Variants in ADCY1 observed in about 807,000 individuals in gnomAD.
The protein encoded by ADCY1 is adenylate cyclase type 1.
In ADCY1, 28 loss-of-function variants were observed where a neutral mutation model predicts 105.4. That is an observed-to-expected ratio of 0.27 (90% CI 0.20 to 0.36). The LOEUF (loss-of-function observed/expected upper bound fraction) is 0.36, where lower values mean the gene tolerates loss of function less well. Among genes scored for constraint, ADCY1 ranks in the 10% least tolerant of loss-of-function variants. The pLI is 1.00. For missense variants in ADCY1, 977 were observed against 1,434.2 expected, an observed-to-expected ratio of 0.68 and a Z score of 5.15; for synonymous variants, 655 against 623.8, an observed-to-expected ratio of 1.05 and a Z score of -0.75.
chr7:45,682,396 A>G (rs962457799), intron 11 of ADCY1, among the ~76,000 whole-genome samples: 3 of 152,084 alleles, frequency 2.0e-5, no homozygotes, highest in Admixed American at 1.3e-4. Context: ...TTGCATGGCT[A>G]GGCCTGGAGA....
At chr7:45,630,287 T>G (rs1324603717) in intron 4 of ADCY1, among the ~76,000 whole-genome samples, 3 of 152,252 alleles carry the variant, frequency 2.0e-5, no homozygotes, top group African/African-American at 4.8e-5. Flanking sequence ...TATCAGTTTT[T>G]TTAATGCATT....
intron 6 of ADCY1, 143 bp from the exon 7 acceptor site, chr7:45,659,899 G>A (rs761556564): frequency 1.1e-5 from 11 of 1,031,100 alleles, no homozygotes; most frequent in Non-Finnish European, 1.5e-5. Flanking sequence ...GGACGGACTT[G>A]CATGGGAGCA....
chr7:45,625,289 C>T (rs980404190), intron 4 of ADCY1, among the ~76,000 whole-genome samples: 4 of 152,192 alleles, frequency 2.6e-5, no homozygotes, highest in African/African-American at 9.7e-5. Flanking sequence ...CTACTTGGCT[C>T]TTTTGCCAGG....
intron 3 of ADCY1, among the ~76,000 whole-genome samples, chr7:45,610,818 A>AGGTGATGGTGGAGGTG (rs1793540261): frequency 9.6e-6 from 1 of 104,678 alleles, no homozygotes; most frequent in Non-Finnish European, 2.0e-5. Flanking sequence ...TGGTGGAGGT[A>AGGTGATGGTGGAGGTG]TGGAGGTGAT....
chr7:45,575,335 G>A lies in ADCY1; in HGVS notation c.639+153G>A, dbSNP rs1792303209. Among the ~76,000 whole-genome samples, 1 of 152,246 alleles carries A rather than the reference G, an allele frequency of 6.6e-6. No homozygotes were observed. The highest frequency in any genetic ancestry group is 6.5e-5 in the Admixed American group (1 of 15,290). On this transcript the variant is annotated intron_variant, in intron 1 of 19. Coordinates refer to ENST00000297323, the MANE Select transcript of ADCY1 (RefSeq NM_021116.4). The surrounding 1 kb of genome is among the most constrained non-coding windows in gnomAD (Gnocchi z 4.7). ...GTGTTCAAGGTCACTCCTACGAGTT[G>A]GGGACGCAGTCGGGGCTGGCACCCT...
At chr7:45,684,812 A>G in intron 11 of ADCY1, 167 bp from the exon 12 acceptor site, 1 of 546,632 alleles carries the variant, frequency 1.8e-6, no homozygotes. Context: ...CACCTGGGAG[A>G]ATAAACAAAT....
Position 45,574,798 on chromosome 7 carries a change from G to A in ADCY1, c.255G>A (p.Gly85=). The A allele has an allele frequency of 6.4e-7, 1 of 1,566,930 alleles. No individual in the cohort carries two copies. Among genetic ancestry groups the A allele is most frequent in the Middle Eastern group, 2.2e-4 (1 of 4,570 alleles). ...TGGCCGAGCTGCTGGGCGCGCCGGG[G>A]CCCGCGCCCGGCCTGGCCAAGGGCT... ...LALAELLGAP[G]PAPGLAKGSH... Residue 85 remains glycine, a synonymous_variant, in exon 1 of 20, where the codon GGG becomes GGA. Coordinates refer to ENST00000297323, the MANE Select transcript of ADCY1 (RefSeq NM_021116.4). The surrounding 1 kb of genome is among the most constrained non-coding windows in gnomAD (Gnocchi z 7.0).
intron 2 of ADCY1, among the ~76,000 whole-genome samples, chr7:45,608,878 A>G (rs910779566): frequency 4.6e-5 from 7 of 152,048 alleles, no homozygotes; most frequent in Admixed American, 1.3e-4. Context: ...CTCAGTGTAG[A>G]CCTTGGCCTT....
intron 8 of ADCY1, among the ~76,000 whole-genome samples, chr7:45,672,207 C>G (rs1248883934): frequency 6.6e-6 from 1 of 152,134 alleles, no homozygotes; most frequent in Non-Finnish European, 1.5e-5. Flanking sequence ...TATCCTTCCT[C>G]CATTGAATTG....
chr7:45,690,668 C>T (rs745751864), intron 14 of ADCY1, among the ~76,000 whole-genome samples: 6 of 152,236 alleles, frequency 3.9e-5, no homozygotes, highest in African/African-American at 1.2e-4. Flanking sequence ...TGGCCAGATA[C>T]AGCACATACC....
At chr7:45,654,905 T>A (rs1794897678) in intron 5 of ADCY1, among the ~76,000 whole-genome samples, 1 of 152,178 alleles carries the variant, frequency 6.6e-6, no homozygotes, top group African/African-American at 2.4e-5. Context: ...GTTGAGGTGA[T>A]GAGCTTGAGC....
Position 45,647,345 on chromosome 7 carries a change from A to G in ADCY1, c.1021-1325A>G, listed in dbSNP as rs1794688995. On this transcript the variant is annotated intron_variant, in intron 4 of 19. Coordinates refer to ENST00000297323, the MANE Select transcript of ADCY1 (RefSeq NM_021116.4). The surrounding 1 kb of genome is among the most constrained non-coding windows in gnomAD (Gnocchi z 4.6). Reference sequence around the variant, plus strand: ...CCTTTTCTCTAAGAATGTGGGGCACAGATGAGCACAGGGGTCATGAGAGCT... The same window carrying G: ...CCTTTTCTCTAAGAATGTGGGGCACGGATGAGCACAGGGGTCATGAGAGCT... Among the ~76,000 whole-genome samples, 1 of 152,254 alleles carries G rather than the reference A, an allele frequency of 6.6e-6. No individual in the cohort carries two copies. The highest frequency in any genetic ancestry group is 2.1e-4 in the South Asian group (1 of 4,834).
Position 45,575,913 on chromosome 7 carries a change from C to G in ADCY1, c.639+731C>G, listed in dbSNP as rs1248665419. Reference sequence around the variant, plus strand: ...CGCTGTCTGCCTCCCGCGGACTCTTCCTGGGCCCTGGAGGAGCCTGCTCTT... The same window carrying G: ...CGCTGTCTGCCTCCCGCGGACTCTTGCTGGGCCCTGGAGGAGCCTGCTCTT... On this transcript the variant is annotated intron_variant, in intron 1 of 19. Transcript: ENST00000297323. The surrounding 1 kb of genome is among the most constrained non-coding windows in gnomAD (Gnocchi z 4.7). Among the ~76,000 whole-genome samples, 1 of 152,262 alleles carries G rather than the reference C, an allele frequency of 6.6e-6. No individual in the cohort carries two copies. Among genetic ancestry groups the G allele is most frequent in the Admixed American group, 6.5e-5 (1 of 15,292 alleles).
intron 14 of ADCY1, among the ~76,000 whole-genome samples, chr7:45,688,445 G>A (rs1246767989): frequency 1.3e-5 from 2 of 152,318 alleles, no homozygotes; most frequent in East Asian, 3.9e-4. Context: ...AGGGTGAAGG[G>A]TAGGTGTGAG....
At chr7:45,646,912 A>G (rs1338240840) in intron 4 of ADCY1, among the ~76,000 whole-genome samples, 2 of 152,254 alleles carry the variant, frequency 1.3e-5, no homozygotes, top group African/African-American at 4.8e-5. Context: ...GGGCCCTCAC[A>G]GAGCAGACTT....
In ADCY1 at chr7:45,609,768, G is replaced by A. The variant is rs1487096943; in HGVS notation, c.790-611G>A. Among the ~76,000 whole-genome samples, 5 of 152,248 alleles carry A rather than the reference G, an allele frequency of 3.3e-5. No homozygotes were observed. In the East Asian group the frequency reaches 7.7e-4, roughly 23 times the overall value. On this transcript the variant is annotated intron_variant, in intron 2 of 19. Coordinates refer to ENST00000297323, the MANE Select transcript of ADCY1 (RefSeq NM_021116.4). Reference sequence around the variant, plus strand: ...CTACTTACTCCCTCAGTCCAGACAAGGAAACTGAGGTCTAGGAAGGGGAAA... The same window carrying A: ...CTACTTACTCCCTCAGTCCAGACAAAGAAACTGAGGTCTAGGAAGGGGAAA...
In ADCY1 at chr7:45,703,279, CT is replaced by C; in HGVS notation, c.2455-96del. ...GCGTGGATGTAGACCATCAGCACAC[CT>C]GGAGTCCAGTTTGGATGATTAGAAG... is the stretch of plus-strand genomic sequence containing the variant. On this transcript the variant is annotated intron_variant, in intron 14 of 19. Coordinates refer to ENST00000297323, the MANE Select transcript of ADCY1 (RefSeq NM_021116.4). The surrounding 1 kb of genome is among the most constrained non-coding windows in gnomAD (Gnocchi z 5.9). 8.6e-7 allele frequency: 1 copy of C among 1,156,980 alleles called. No individual in the cohort carries two copies. Among genetic ancestry groups the C allele is most frequent in the Non-Finnish European group, 1.3e-6 (1 of 771,324 alleles). The allele number at this position is 1,156,980 out of a possible 1,614,324, so 71.7% of individuals were successfully genotyped here.
chr7:45,702,704 C>T (rs1310143504), intron 14 of ADCY1, among the ~76,000 whole-genome samples: 1 of 152,230 alleles, frequency 6.6e-6, no homozygotes, highest in Admixed American at 6.5e-5. Context: ...CAGGGTCCTA[C>T]AGCTAGCAGT....
intron 5 of ADCY1, among the ~76,000 whole-genome samples, chr7:45,656,873 G>A (rs550246215): frequency 1.3e-5 from 2 of 152,366 alleles, no homozygotes; most frequent in South Asian, 4.1e-4. Flanking sequence ...AGAAAGAGGA[G>A]GTTGGCCTCT....
Sources: gnomAD v4.1 joint callset for allele counts (sites outside exome capture counted in the v4.1 genomes callset) on GRCh38, gnomAD v4.1.1 for gene constraint, Gnocchi (gnomAD v3.1) non-coding constraint, MANE v1.5 for transcripts, NCBI Gene and HGNC (gene_info 2026-07-23, HGNC 2026-07-21) for gene names.